The following PRPF39 variants were observed in gnomAD, a reference collection of about 807,000 sequenced individuals.
PRPF39 encodes the protein pre-mRNA processing factor 39.
PRPF39 carries 27 observed loss-of-function variants against 82.1 expected under a neutral mutation model. The ratio of observed to expected loss-of-function variants is 0.33; its 90% CI spans 0.24 to 0.45. The LOEUF is 0.45. Ranked by LOEUF, PRPF39 falls within the 20% of genes least tolerant of loss-of-function variation. The probability of loss-of-function intolerance (pLI) is 1.00; values close to 1 mark genes in which losing one functional copy is unlikely to be tolerated. For missense variants in PRPF39, 581 were observed against 796.9 expected (o/e 0.73, Z 3.26); for synonymous variants, 261 against 256.4 (o/e 1.02, Z -0.17).
rs140761303 is a variant in PRPF39 at position 45,087,543 on chromosome 14, A to C, written c.-20+3294A>C. On this transcript the variant is annotated intron_variant, in intron 1 of 13. Transcript: ENST00000355765. The stretch of plus-strand genomic sequence containing the variant: ...TTAAGTAATTGGCTCAGAGTTCCCT[A>C]ATGAGTAGCCAGAAGACTGTTTTTT... Among the ~76,000 whole-genome samples, 974 of 151,852 alleles carry C rather than the reference A, an allele frequency of 6.4e-3. 3 individuals carry two copies. Among genetic ancestry groups the C allele is most frequent in the Non-Finnish European group, 8.8e-3 (601 of 67,912 alleles).
chr14:45,096,566 T>G, intron 3 of PRPF39: 1 of 1,435,532 alleles, frequency 7.0e-7, no homozygotes, highest in South Asian at 1.2e-5. Flanking sequence ...GCTAGTCACA[T>G]TTGCTACGTC....
In PRPF39 at chr14:45,096,914, C is replaced by A; in HGVS notation, c.478C>A (p.Pro160Thr). The A allele has an allele frequency of 6.5e-7, 1 of 1,544,612 alleles. No homozygotes were observed. The highest frequency in any genetic ancestry group is 8.7e-7 in the Non-Finnish European group (1 of 1,144,928). Reference sequence around the variant, plus strand: ...TTATCGGCGGGGGCTTCAGGCAATACCTCTTAGTGTTGACCTTTGGATACA... The same window carrying A: ...TTATCGGCGGGGGCTTCAGGCAATAACTCTTAGTGTTGACCTTTGGATACA... Reference protein sequence around the residue: ...EVYRRGLQAIPLSVDLWIHYI... With the variant: ...EVYRRGLQAITLSVDLWIHYI... The change falls in exon 4 of 14, where the codon CCT (proline) becomes ACT (threonine). Residue 160 changes from proline (P) to threonine (T), a missense_variant. By Grantham distance (38) the Pro-to-Thr change is conservative. Coordinates refer to ENST00000355765, the MANE Select transcript of PRPF39 (RefSeq NM_017922.4).
At position 45,085,349 on chromosome 14, in the gene PRPF39, A is replaced by T. The variant is rs760537100; in HGVS notation, c.-20+1100A>T. On this transcript the variant is annotated intron_variant, in intron 1 of 13. Coordinates refer to ENST00000355765, the MANE Select transcript of PRPF39 (RefSeq NM_017922.4). ...GTGAACTTTGAAGTAGGGGTTGAGC[A>T]TAGATGGCTCATAGGTGGTATGAGA... Among the ~76,000 whole-genome samples the T allele has an allele frequency of 1.7e-4, 26 of 152,206 alleles. 1 individual carries two copies. The highest frequency in any genetic ancestry group is 3.1e-4 in the Non-Finnish European group (21 of 68,032).
intron 1 of PRPF39, among the ~76,000 whole-genome samples, chr14:45,091,476 T>A (rs962937965): frequency 1.3e-5 from 2 of 152,194 alleles, no homozygotes; most frequent in Non-Finnish European, 2.9e-5. Context: ...TGTTTTAGAA[T>A]CTGGGTTTTG....
Position 45,096,913 on chromosome 14 carries a change from A to G in PRPF39, c.477A>G (p.Ile159Met). ...TTTATCGGCGGGGGCTTCAGGCAAT[A>G]CCTCTTAGTGTTGACCTTTGGATAC... ...DEVYRRGLQA[I>M]PLSVDLWIHY... Residue 159 changes from isoleucine to methionine, a missense_variant, in exon 4 of 14, where the codon ATA (isoleucine) becomes ATG (methionine). Transcript: ENST00000355765. The G allele has an allele frequency of 1.3e-6, 2 of 1,544,460 alleles. No homozygotes were observed. The highest frequency in any genetic ancestry group is 2.4e-5 in the South Asian group (2 of 82,364).
chr14:45,087,060 T>TATA, intron 1 of PRPF39, among the ~76,000 whole-genome samples: 1 of 152,098 alleles, frequency 6.6e-6, no homozygotes, highest in Non-Finnish European at 1.5e-5. Flanking sequence ...AGAAAATAAA[T>TATA]ACTTAAATTA....
chr14:45,115,975 A>T lies in PRPF39; in HGVS notation c.*1062A>T. ...AGGTAAAAGGAAAAAGTTCTCCTTG[A>T]CCAGTATTTTACACAGCTGTAGGAA... On this transcript the variant is annotated 3_prime_UTR_variant, in exon 14 of 14. Coordinates refer to ENST00000355765, the MANE Select transcript of PRPF39 (RefSeq NM_017922.4). 2.1e-6 allele frequency: 1 copy of T among 481,666 alleles called. No homozygotes were observed. 29.8% of individuals were successfully genotyped at this position (481,666 alleles called of 1,614,324 possible).
chr14:45,099,665 G>A (rs1884312685), intron 4 of PRPF39, among the ~76,000 whole-genome samples: 1 of 151,938 alleles, frequency 6.6e-6, no homozygotes, highest in Admixed American at 6.6e-5. Context: ...AGGATGATCT[G>A]CATCTCCTGA....
At chr14:45,114,454 G>A in intron 12 of PRPF39, 40 bp from the exon 13 acceptor site, 1 of 1,525,776 alleles carries the variant, frequency 6.6e-7, no homozygotes, top group Non-Finnish European at 8.8e-7. Flanking sequence ...GTTCTTACCT[G>A]TGGGAGTTTT....
In PRPF39 at chr14:45,110,745, G is replaced by C. The variant is rs1251714532; in HGVS notation, c.1500G>C (p.Arg500=). ...CATTTTATGCTGTCAAACTAGCCCG[G>C]CATCTTTTCAAAATACAGAAAAACC... ...ESSFYAVKLA[R]HLFKIQKNLP... The change falls in exon 10 of 14, where the codon CGG becomes CGC. Residue 500 remains arginine, a synonymous_variant. Transcript: ENST00000355765. The surrounding 1 kb of genome is among the most constrained non-coding windows in gnomAD (Gnocchi z 4.0). 6.4e-7 allele frequency: 1 copy of C among 1,557,360 alleles called. No homozygotes were observed. Among genetic ancestry groups the C allele is most frequent in the South Asian group, 1.2e-5 (1 of 84,398 alleles).
chr14:45,104,561 G>A (rs969365788), intron 5 of PRPF39, among the ~76,000 whole-genome samples: 2 of 152,170 alleles, frequency 1.3e-5, no homozygotes, highest in African/African-American at 4.8e-5. Context: ...AGCGTTGCCT[G>A]TGAGTTGGTC....
chr14:45,095,661 T>C lies in PRPF39; in HGVS notation c.324+98T>C, dbSNP rs538761627. 1.9e-5 allele frequency: 26 copies of C among 1,385,942 alleles called. No individual in the cohort carries two copies. In the African/African-American group the frequency reaches 2.8e-4, roughly 15 times the overall value. The allele number at this position is 1,385,942 out of a possible 1,614,324, so 85.9% of individuals were successfully genotyped here. On this transcript the variant is annotated intron_variant, in intron 2 of 13. Transcript: ENST00000355765. ...CTTATTGTTTATGATTAAAATTGAC[T>C]CATAATTTTCAAATGAAGTTGAATA...
chr14:45,101,457 A>T (rs1884369540), intron 4 of PRPF39, among the ~76,000 whole-genome samples: 1 of 150,016 alleles, frequency 6.7e-6, no homozygotes, highest in East Asian at 2.0e-4. Context: ...ACTTTGTAAC[A>T]AACTTTTTTT....
chr14:45,095,135 A>G, intron 1 of PRPF39, 86 bp from the exon 2 acceptor site: 1 of 809,628 alleles, frequency 1.2e-6, no homozygotes, highest in Non-Finnish European at 2.0e-6. Context: ...TAATAGCTAA[A>G]TTAGGGCTTT....
intron 4 of PRPF39, among the ~76,000 whole-genome samples, chr14:45,098,335 C>T (rs532928888): frequency 5.3e-5 from 8 of 151,136 alleles, no homozygotes; most frequent in East Asian, 1.9e-4. Flanking sequence ...TCTAGCTACT[C>T]GGGAGGCTGA....
intron 1 of PRPF39, among the ~76,000 whole-genome samples, chr14:45,094,106 AACT>A (rs1468484205): frequency 3.3e-5 from 5 of 150,846 alleles, no homozygotes; most frequent in Non-Finnish European, 5.9e-5. Flanking sequence ...CTTTTTAATT[AACT>A]ACTATTAATA....
At chr14:45,093,484 A>C (rs1019239465) in intron 1 of PRPF39, among the ~76,000 whole-genome samples, 1 of 151,966 alleles carries the variant, frequency 6.6e-6, no homozygotes, top group Non-Finnish European at 1.5e-5. Flanking sequence ...TCGGCCTCCC[A>C]AAGTGCTGGG....
chr14:45,110,098 C>T lies in PRPF39; in HGVS notation c.1181C>T (p.Ala394Val), dbSNP rs1347067197. Reference sequence around the variant, plus strand: ...TTTCCTCTTTTCTGTATGTAGTATGCCAAGTACATGGAAAACCATAGCATT... The same window carrying T: ...TTTCCTCTTTTCTGTATGTAGTATGTCAAGTACATGGAAAACCATAGCATT... Reference protein sequence around the residue: ...ALYEEFWIKYAKYMENHSIEG... With the variant: ...ALYEEFWIKYVKYMENHSIEG... The change falls in exon 9 of 14, where the codon GCC (alanine) becomes GTC (valine). Residue 394 changes from alanine to valine, a missense_variant. Transcript: ENST00000355765. This position sits in a 1 kb window ranked among gnomAD's most constrained non-coding sequence, Gnocchi z 4.0. 8 of 1,612,964 alleles carry T rather than the reference C, an allele frequency of 5.0e-6. No individual in the cohort carries two copies. In the East Asian group the frequency reaches 1.8e-4, roughly 36 times the overall value.
intron 1 of PRPF39, among the ~76,000 whole-genome samples, 183 bp from the exon 2 acceptor site, chr14:45,095,038 G>T (rs757009676): frequency 1.3e-5 from 2 of 152,160 alleles, no homozygotes; most frequent in Non-Finnish European, 2.9e-5. Context: ...GTTTTGTGAA[G>T]AATTTATAAT....
Sources: gnomAD v4.1 joint callset for allele counts (sites outside exome capture counted in the v4.1 genomes callset) on GRCh38, gnomAD v4.1.1 for gene constraint, Gnocchi (gnomAD v3.1) non-coding constraint, MANE v1.5 for transcripts, NCBI Gene and HGNC (gene_info 2026-07-23, HGNC 2026-07-21) for gene names.